The following DNAH14 variants were observed in gnomAD, a reference collection of about 807,000 sequenced individuals.
The protein encoded by DNAH14 is axonemal beta dynein heavy chain 14.
DNAH14 carries 478 observed loss-of-function variants against 520.9 expected under a neutral mutation model. That is an observed-to-expected ratio of 0.92 (90% CI 0.85 to 0.99). The LOEUF (loss-of-function observed/expected upper bound fraction) is 0.99. DNAH14 is among the 50% of genes least tolerant of loss of function. The pLI is 0.00. For missense variants in DNAH14, 4,831 were observed against 5,234.5 expected (o/e 0.92, Z 2.38); for synonymous variants, 1,581 against 1,757.2 (o/e 0.90, Z 2.51).
chr1:225,243,703 G>A (rs1384158876), intron 43 of DNAH14, among the ~76,000 whole-genome samples: 3 of 151,986 alleles, frequency 2.0e-5, no homozygotes, highest in African/African-American at 7.2e-5. Context: ...AAGAGGAGCT[G>A]GTACTAAGAC....
chr1:224,989,151 CT>C (rs931507351), intron 8 of DNAH14, among the ~76,000 whole-genome samples: 29 of 152,114 alleles, frequency 1.9e-4, no homozygotes, highest in African/African-American at 6.3e-4. Context: ...AGAGGGCAAT[CT>C]GTTTTACTCA....
intron 69 of DNAH14, among the ~76,000 whole-genome samples, chr1:225,342,101 G>A (rs1242657847): frequency 6.6e-6 from 1 of 152,084 alleles, no homozygotes; most frequent in Admixed American, 6.6e-5. Flanking sequence ...CATATTATTT[G>A]TCTAATCTAA....
chr1:225,121,013 T>G (rs2148880834), intron 26 of DNAH14, among the ~76,000 whole-genome samples: 1 of 152,322 alleles, frequency 6.6e-6, no homozygotes, highest in Non-Finnish European at 1.5e-5. Flanking sequence ...TTGGAAAAGC[T>G]TCTAGTGTTT....
intron 36 of DNAH14, among the ~76,000 whole-genome samples, chr1:225,176,312 G>C (rs747735011): frequency 7.2e-5 from 11 of 152,072 alleles, no homozygotes; most frequent in Non-Finnish European, 8.8e-5. Context: ...TCTCAGAAAA[G>C]ATACTTGATT....
intron 77 of DNAH14, among the ~76,000 whole-genome samples, chr1:225,370,481 C>G (rs2095606640): frequency 1.3e-5 from 2 of 152,002 alleles, no homozygotes; most frequent in Admixed American, 6.6e-5. Context: ...GCTTGGGCCA[C>G]TGCACTCCAG....
intron 27 of DNAH14, among the ~76,000 whole-genome samples, chr1:225,125,109 T>G (rs1040369572): frequency 6.6e-6 from 1 of 152,204 alleles, no homozygotes. Flanking sequence ...AAAACAGATG[T>G]GCTGTCATCC....
At chr1:225,037,827 C>G (rs1427201213) in intron 11 of DNAH14, among the ~76,000 whole-genome samples, 1 of 152,092 alleles carries the variant, frequency 6.6e-6, no homozygotes, top group African/African-American at 2.4e-5. Flanking sequence ...AGATTACAGG[C>G]GTGTGCCACC....
chr1:225,032,397 T>C (rs1289144278), intron 11 of DNAH14, among the ~76,000 whole-genome samples: 3 of 152,094 alleles, frequency 2.0e-5, no homozygotes, highest in African/African-American at 7.2e-5. Context: ...CATGTTCCTG[T>C]AAAACACGTG....
chr1:224,968,984 T>G (rs1309182617), intron 7 of DNAH14, 110 bp downstream of exon 7: 1 of 672,784 alleles, frequency 1.5e-6, no homozygotes, highest in African/African-American at 1.9e-5. Flanking sequence ...AAAATAGTAC[T>G]AATTCTTTTA....
chr1:225,220,386 C>T lies in DNAH14; in HGVS notation c.6440-10687C>T, dbSNP rs147527682. Among the ~76,000 whole-genome samples, 583 of 152,296 alleles carry T rather than the reference C, an allele frequency of 3.8e-3. 4 individuals are homozygous for T. The highest frequency in any genetic ancestry group is 0.013 in the African/African-American group (553 of 41,574). On this transcript the variant is annotated intron_variant, in intron 41 of 85. Coordinates refer to ENST00000682510, the MANE Select transcript of DNAH14 (RefSeq NM_001367479.1). ...TCAAATTGCCTCTGTTCGCAAATGACATGATTGTACATTTAGAAAACCCAT... is the reference window on the plus strand; with the variant it reads ...TCAAATTGCCTCTGTTCGCAAATGATATGATTGTACATTTAGAAAACCCAT...
At chr1:225,253,484 C>T (rs1202763097) in intron 44 of DNAH14, among the ~76,000 whole-genome samples, 1 of 152,092 alleles carries the variant, frequency 6.6e-6, no homozygotes, top group African/African-American at 2.4e-5. Flanking sequence ...ATTTAAATGT[C>T]ACCATGTAAT....
At chr1:225,384,362 G>A (rs574105979) in intron 81 of DNAH14, among the ~76,000 whole-genome samples, 2 of 151,870 alleles carry the variant, frequency 1.3e-5, no homozygotes, top group South Asian at 4.2e-4. Flanking sequence ...TTATTATTGT[G>A]TGGGACACTA....
chr1:225,137,252 T>A (rs189211686), intron 27 of DNAH14, among the ~76,000 whole-genome samples: 1 of 152,344 alleles, frequency 6.6e-6, no homozygotes, highest in East Asian at 1.9e-4. Context: ...CATTTATTCC[T>A]TCTCATCTTT....
chr1:225,353,153 T>C (rs891610605), intron 72 of DNAH14, among the ~76,000 whole-genome samples: 2 of 152,004 alleles, frequency 1.3e-5, no homozygotes, highest in African/African-American at 4.8e-5. Context: ...GTATTTAAAG[T>C]TAGACATTGG....
intron 66 of DNAH14, among the ~76,000 whole-genome samples, 168 bp from the exon 67 acceptor site, chr1:225,337,098 A>C (rs2095073184): frequency 6.6e-6 from 1 of 152,190 alleles, no homozygotes; most frequent in Admixed American, 6.5e-5. Context: ...TTACCTTCCC[A>C]AAAATTTCAT....
At chr1:225,044,151 G>A (rs957598118) in intron 15 of DNAH14, among the ~76,000 whole-genome samples, 168 bp downstream of exon 15, 1 of 152,072 alleles carries the variant, frequency 6.6e-6, no homozygotes, top group Non-Finnish European at 1.5e-5. Flanking sequence ...ATTATTTGAG[G>A]ATGTGTGAAT....
At chr1:225,062,236 G>A (rs768296266) in intron 17 of DNAH14, among the ~76,000 whole-genome samples, 1 of 152,088 alleles carries the variant, frequency 6.6e-6, no homozygotes, top group Non-Finnish European at 1.5e-5. Flanking sequence ...AGGAAGTTGA[G>A]GCTGCAGTGA....
chr1:225,214,288 T>G (rs2088933009), intron 41 of DNAH14, among the ~76,000 whole-genome samples: 1 of 152,212 alleles, frequency 6.6e-6, no homozygotes, highest in African/African-American at 2.4e-5. Context: ...AGCTTTTTGA[T>G]GTGCTGCTGG....
At chr1:225,380,456 C>A in intron 80 of DNAH14, 134 bp downstream of exon 80, 1 of 1,002,370 alleles carries the variant, frequency 1.0e-6, no homozygotes. Flanking sequence ...AAAACTCAGT[C>A]TCTGCCTCCT....
Sources: allele counts gnomAD v4.1 joint callset (sites outside exome capture counted in the v4.1 genomes callset), GRCh38; gene constraint gnomAD v4.1.1; transcripts MANE v1.5; gene names NCBI Gene and HGNC (gene_info 2026-07-23, HGNC 2026-07-21).